The following USP34 variants were observed in gnomAD, a reference collection of about 807,000 sequenced individuals.
USP34 encodes ubiquitin carboxyl-terminal hydrolase 34.
USP34 carries 70 observed loss-of-function variants against 460.3 expected under a neutral mutation model. The ratio of observed to expected loss-of-function variants is 0.15; its 90% CI spans 0.13 to 0.19. The LOEUF (loss-of-function observed/expected upper bound fraction) is 0.19, where lower values mean the gene tolerates loss of function less well. Ranked by LOEUF, USP34 falls within the 10% of genes least tolerant of loss-of-function variation. The pLI is 1.00. For missense variants in USP34, 3,985 were observed against 4,236.2 expected, an observed-to-expected ratio of 0.94 and a Z score of 1.65; for synonymous variants, 1,647 against 1,405.3, an observed-to-expected ratio of 1.17 and a Z score of -3.85.
intron 1 of USP34, among the ~76,000 whole-genome samples, chr2:61,440,798 G>A (rs576888084): frequency 2.6e-5 from 4 of 151,396 alleles, no homozygotes; most frequent in African/African-American, 4.8e-5. Flanking sequence ...GATTACAGGC[G>A]TAAGGCACCA....
intron 1 of USP34, among the ~76,000 whole-genome samples, chr2:61,463,089 T>C (rs1695653856): frequency 6.6e-6 from 1 of 152,202 alleles, no homozygotes; most frequent in African/African-American, 2.4e-5. Flanking sequence ...GTTATGTTAC[T>C]AATTGATTTC....
rs141433360 is a variant in USP34, at chr2:61,406,575, G to C, written c.132-447C>G. Among the ~76,000 whole-genome samples the C allele has an allele frequency of 2.7e-3, 416 of 151,870 alleles. 1 individual carries two copies. The highest frequency in any genetic ancestry group is 9.4e-3 in the African/African-American group (389 of 41,388). On this transcript the variant is annotated intron_variant, in intron 2 of 79. Transcript: ENST00000398571. The stretch of plus-strand genomic sequence containing the variant: ...CATTTTTAGATTAATGTCCTTGAAG[G>C]CTACTTGGGAGGGGTGCTCTGACGC...
intron 2 of USP34, among the ~76,000 whole-genome samples, chr2:61,408,914 A>C (rs183499252): frequency 6.6e-6 from 1 of 152,132 alleles, no homozygotes. Flanking sequence ...AAACAAAAAC[A>C]AAGTGAGGTC....
chr2:61,413,034 A>G (rs1044167747), intron 2 of USP34, among the ~76,000 whole-genome samples: 4 of 152,210 alleles, frequency 2.6e-5, no homozygotes, highest in African/African-American at 9.6e-5. Context: ...AAGGCCCACC[A>G]AAACAGACAA....
intron 1 of USP34, among the ~76,000 whole-genome samples, 194 bp from the exon 2 acceptor site, chr2:61,421,027 TG>T (rs71405115): frequency 2.0e-5 from 3 of 150,372 alleles, no homozygotes; most frequent in African/African-American, 4.9e-5. Context: ...ATGTAAGGGG[TG>T]GGGGGGGCAG....
intron 10 of USP34, among the ~76,000 whole-genome samples, chr2:61,356,475 G>GCGCGCACACACACACACACA (rs369666693): frequency 7.8e-6 from 1 of 128,332 alleles, no homozygotes; most frequent in African/African-American, 2.7e-5. Flanking sequence ...GGGTGAAAGC[G>GCGCGCACACACACACACACA]CACACACACA....
intron 23 of USP34, among the ~76,000 whole-genome samples, chr2:61,316,039 TAAA>T (rs539035606): frequency 3.2e-5 from 4 of 126,546 alleles, no homozygotes; most frequent in Admixed American, 7.9e-5. Flanking sequence ...GTCTCTACTT[TAAA>T]AAAAAAAAAA....
intron 20 of USP34, among the ~76,000 whole-genome samples, chr2:61,328,405 T>TC (rs368094117): frequency 0.015 from 2,304 of 152,062 alleles, 70 homozygotes; most frequent in African/African-American, 0.053. Context: ...AGAATCTTTT[T>TC]CCCCCCTCGG....
At position 61,343,894 on chromosome 2, in the gene USP34, A is replaced by G; in HGVS notation, c.2421T>C (p.Asn807=). 1 of 1,614,002 alleles carries G rather than the reference A, an allele frequency of 6.2e-7. No individual in the cohort carries two copies. The highest frequency in any genetic ancestry group is 1.7e-4 in the Middle Eastern group (1 of 6,058). The change falls in exon 16 of 80, where the codon AAT becomes AAC. Residue 807 remains asparagine, a synonymous_variant. Coordinates refer to ENST00000398571, the MANE Select transcript of USP34 (RefSeq NM_014709.4). ...SGCEEELVQI[N]SHAELTSHLQ... ...GGTGAGATGTCAGTTCCGCATGTGA[A>G]TTAATCTGAACTAGCTCCTCTTCAC...
chr2:61,347,366 T>C (rs552175653), intron 15 of USP34, among the ~76,000 whole-genome samples: 1 of 152,220 alleles, frequency 6.6e-6, no homozygotes, highest in East Asian at 1.9e-4. Flanking sequence ...ACAACCTGGT[T>C]TTTTATTGTT....
At chr2:61,418,570 C>T (rs947906035) in intron 2 of USP34, among the ~76,000 whole-genome samples, 2 of 152,164 alleles carry the variant, frequency 1.3e-5, no homozygotes, top group South Asian at 2.1e-4. Context: ...ACTTGGTCCA[C>T]GGGCCCCAAG....
chr2:61,451,915 C>CCA (rs1242367880), intron 1 of USP34, among the ~76,000 whole-genome samples: 6 of 152,270 alleles, frequency 3.9e-5, no homozygotes, highest in African/African-American at 1.4e-4. Context: ...GTGGCTCACG[C>CCA]CTGGAATCCC....
intron 14 of USP34, 70 bp downstream of exon 14, chr2:61,348,686 C>A: frequency 1.3e-6 from 2 of 1,539,794 alleles, no homozygotes; most frequent in South Asian, 1.2e-5. Flanking sequence ...TGTATATATA[C>A]CCAATTCAAA....
intron 48 of USP34, among the ~76,000 whole-genome samples, chr2:61,252,257 A>T (rs1558492022): frequency 6.6e-6 from 1 of 152,194 alleles, no homozygotes; most frequent in African/African-American, 2.4e-5. Context: ...ATGACCCTAT[A>T]TAAGTTACTT....
At chr2:61,470,179 C>G (rs966401559) in intron 1 of USP34, among the ~76,000 whole-genome samples, 1 of 152,200 alleles carries the variant, frequency 6.6e-6, no homozygotes, top group Non-Finnish European at 1.5e-5. Context: ...AACCACCACC[C>G]TGCTCCCGGG....
chr2:61,321,831 A>C (rs1044733878), intron 21 of USP34, among the ~76,000 whole-genome samples: 3 of 152,220 alleles, frequency 2.0e-5, no homozygotes, highest in Non-Finnish European at 4.4e-5. Context: ...AAAATTGAGG[A>C]ATCAGTGGTT....
At chr2:61,198,114 G>C (rs902300343) in intron 75 of USP34, among the ~76,000 whole-genome samples, 1 of 152,132 alleles carries the variant, frequency 6.6e-6, no homozygotes, top group Non-Finnish European at 1.5e-5. Flanking sequence ...CAAAACCAAT[G>C]CATAATCATT....
At chr2:61,407,268 T>C (rs1468471481) in intron 2 of USP34, among the ~76,000 whole-genome samples, 5 of 152,078 alleles carry the variant, frequency 3.3e-5, no homozygotes, top group Admixed American at 6.6e-5. Flanking sequence ...GGCTTGTGCC[T>C]GTAGTCCCAG....
rs1421150102 is a variant in USP34 at position 61,278,229 on chromosome 2, A to T, written c.5369T>A (p.Leu1790His). The T allele has an allele frequency of 6.2e-7, 1 of 1,613,782 alleles. No individual in the cohort carries two copies. Among genetic ancestry groups the T allele is most frequent in the South Asian group, 1.1e-5 (1 of 91,012 alleles). The change falls in exon 41 of 80, where the codon CTC (leucine) becomes CAC (histidine). Residue 1790 changes from leucine (L) to histidine (H), a missense_variant. Leu to His is a moderately conservative substitution (Grantham distance 99). Transcript: ENST00000398571. The part of the protein sequence containing the change: ...GNVEDDGLTG[L>H]LRLATSVVKH... ...AACAACACTTGTTGCAAGCCTTAGGAGTCCTGTAAGCCCATCATCTTCTAC... is the reference window on the plus strand; with the variant it reads ...AACAACACTTGTTGCAAGCCTTAGGTGTCCTGTAAGCCCATCATCTTCTAC...
Sources: gnomAD v4.1 joint callset for allele counts (sites outside exome capture counted in the v4.1 genomes callset) on GRCh38, gnomAD v4.1.1 for gene constraint, MANE v1.5 for transcripts, NCBI Gene and HGNC (gene_info 2026-07-23, HGNC 2026-07-21) for gene names.